DCUN1D5: variants seen among roughly 807,000 people sequenced by gnomAD.
The protein encoded by DCUN1D5 is defective in cullin neddylation 1 domain containing 5.
A neutral mutation model predicts 38.3 loss-of-function variants in DCUN1D5; 10 were observed. The ratio of observed to expected loss-of-function variants is 0.26; its 90% confidence interval spans 0.16 to 0.44. The LOEUF (loss-of-function observed/expected upper bound fraction) is 0.44. DCUN1D5 is among the 20% of genes least tolerant of loss of function. The pLI, the probability that DCUN1D5 is intolerant of heterozygous loss-of-function variation, is 1.00. For missense variants in DCUN1D5, 148 were observed against 275.3 expected (o/e 0.54, Z 3.27); for synonymous variants, 93 against 90.9 (o/e 1.02, Z -0.13).
chr11:103,079,944 T>C (rs745390670), intron 4 of DCUN1D5: 8 of 152,216 alleles, frequency 5.3e-5, no homozygotes, highest in Non-Finnish European at 1.2e-4. Flanking sequence ...ATCCAGTTCA[T>C]ATACCCACAA....
intron 4 of DCUN1D5, among the ~76,000 whole-genome samples, chr11:103,082,250 TACA>T (rs757785715): frequency 5.3e-5 from 8 of 152,110 alleles, no homozygotes; most frequent in South Asian, 2.1e-4. Flanking sequence ...CGGGAGCAGT[TACA>T]ACATTTCTAC....
rs774048924 is a variant in DCUN1D5 at position 103,066,502 on chromosome 11, G to A, written c.407C>T (p.Ser136Leu). ...DFLRSQLNDI[S>L]SFKNIYRYAF... is the part of the protein sequence containing the mutation. ...ATATCTGTAGATATTCTTAAATGAC[G>A]AAATATCATTCAACTGTGAGCGCAA... Residue 136 changes from serine to leucine, a missense_variant, in exon 5 of 8, where the codon TCG becomes TTG. Transcript: ENST00000260247. The surrounding 1 kb of genome is among the most constrained non-coding windows in gnomAD (Gnocchi z 4.7). The A allele has an allele frequency of 2.3e-5, 37 of 1,611,978 alleles. No homozygotes were observed. Among genetic ancestry groups the A allele is most frequent in the Non-Finnish European group, 3.0e-5 (35 of 1,178,862 alleles).
intron 4 of DCUN1D5, among the ~76,000 whole-genome samples, chr11:103,076,780 T>G (rs1170732267): frequency 6.6e-6 from 1 of 152,192 alleles, no homozygotes; most frequent in African/African-American, 2.4e-5. Flanking sequence ...TTGATATGCT[T>G]CTTTTGAGGC....
At position 103,091,648 on chromosome 11, in the gene DCUN1D5, G is replaced by C. The variant is rs755951789; in HGVS notation, c.86+139C>G. ...TCGGGCGCGGAGACTCGCGGTGTTC[G>C]GCACCTACAGCCTAGCTCGATCAAA... is the stretch of plus-strand genomic sequence containing the variant. On this transcript the variant is annotated intron_variant, in intron 1 of 7. Transcript: ENST00000260247. This position sits in a 1 kb window ranked among gnomAD's most constrained non-coding sequence, Gnocchi z 4.3. 4.8e-5 allele frequency: 74 copies of C among 1,526,636 alleles called. No homozygotes were observed. In the Middle Eastern group the frequency reaches 1.3e-3, roughly 27 times the overall value. 94.6% of individuals were successfully genotyped at this position (1,526,636 alleles called of 1,614,324 possible). A position where few individuals can be genotyped will look rare whatever the true frequency, so the allele number is the denominator to read the frequency against.
rs1862282077 is a variant in DCUN1D5 at position 103,071,939 on chromosome 11, C to A, written c.342-5372G>T. 6.6e-6 allele frequency among the ~76,000 whole-genome samples: 1 copy of A among 150,978 alleles called. No individual in the cohort carries two copies. Among genetic ancestry groups the A allele is most frequent in the Admixed American group, 6.6e-5 (1 of 15,180 alleles). On this transcript the variant is annotated intron_variant, in intron 4 of 7. Coordinates refer to ENST00000260247, the MANE Select transcript of DCUN1D5 (RefSeq NM_032299.4). This position sits in a 1 kb window ranked among gnomAD's most constrained non-coding sequence, Gnocchi z 4.1. ...AATTTATTTAATAAAGCCAGTATTA[C>A]TTGATACCAAAACCAGGCAAATACA... is the stretch of plus-strand genomic sequence containing the variant.
rs1480412776 is a variant in DCUN1D5 at position 103,091,756 on chromosome 11, G to A, written c.86+31C>T. On this transcript the variant is annotated intron_variant, in intron 1 of 7. Coordinates refer to ENST00000260247, the MANE Select transcript of DCUN1D5 (RefSeq NM_032299.4). The surrounding 1 kb of genome is among the most constrained non-coding windows in gnomAD (Gnocchi z 4.3). ...CAGTTGTCCAGCAAAGGAGGGAGGA[G>A]GGAAGCTTGAAGGGTGGGGGGAGAT... 3 of 1,613,796 alleles carry A rather than the reference G, an allele frequency of 1.9e-6. No individual in the cohort carries two copies. Among genetic ancestry groups the A allele is most frequent in the Admixed American group, 1.7e-5 (1 of 59,996 alleles).
rs2134622170 is a variant in DCUN1D5 at position 103,077,066 on chromosome 11, G to A, written c.341+5682C>T. On this transcript the variant is annotated intron_variant, in intron 4 of 7. Coordinates refer to ENST00000260247, the MANE Select transcript of DCUN1D5 (RefSeq NM_032299.4). The surrounding 1 kb of genome is among the most constrained non-coding windows in gnomAD (Gnocchi z 4.3). ...ACAAAAAAAATTAGCTGGGTGTGGT[G>A]GCGGGTGCCTGTAGTCCCAGCTACT... Among the ~76,000 whole-genome samples, 1 of 152,278 alleles carries A rather than the reference G, an allele frequency of 6.6e-6. No homozygotes were observed.
rs1241143681 is a variant in DCUN1D5 at position 103,060,054 on chromosome 11, T to C, written c.*2305A>G. On this transcript the variant is annotated 3_prime_UTR_variant, in exon 8 of 8. Transcript: ENST00000260247. ...TTTTGATCATAAATTTCCCAGTAAA[T>C]TAAATGCTATTCAAAATTAACAAAG... Among the ~76,000 whole-genome samples, 1 of 152,086 alleles carries C rather than the reference T, an allele frequency of 6.6e-6. No homozygotes were observed. Among genetic ancestry groups the C allele is most frequent in the Non-Finnish European group, 1.5e-5 (1 of 68,020 alleles).
Position 103,071,940 on chromosome 11 carries a change from T to C in DCUN1D5, c.342-5373A>G, listed in dbSNP as rs1458805103. Among the ~76,000 whole-genome samples, 1 of 151,574 alleles carries C rather than the reference T, an allele frequency of 6.6e-6. No individual in the cohort carries two copies. The highest frequency in any genetic ancestry group is 2.4e-5 in the African/African-American group (1 of 41,388). ...ATTTATTTAATAAAGCCAGTATTACTTGATACCAAAACCAGGCAAATACAA... is the reference window on the plus strand; with the variant it reads ...ATTTATTTAATAAAGCCAGTATTACCTGATACCAAAACCAGGCAAATACAA... On this transcript the variant is annotated intron_variant, in intron 4 of 7. Transcript: ENST00000260247. This position sits in a 1 kb window ranked among gnomAD's most constrained non-coding sequence, Gnocchi z 4.1.
intron 4 of DCUN1D5, among the ~76,000 whole-genome samples, chr11:103,081,299 T>C (rs1432783964): frequency 6.6e-6 from 1 of 152,182 alleles, no homozygotes; most frequent in African/African-American, 2.4e-5. Flanking sequence ...TAATAAGCCA[T>C]ATTACAACAT....
Position 103,053,838 on chromosome 11 carries a change from C to T in DCUN1D5, c.*8521G>A, listed in dbSNP as rs769697342. ...ATATAACACTTATTGAACACAAGTC[C>T]ATCCTATGAGGTTCAATTGATGTTT... On this transcript the variant is annotated 3_prime_UTR_variant, in exon 8 of 8. Coordinates refer to ENST00000260247, the MANE Select transcript of DCUN1D5 (RefSeq NM_032299.4). The surrounding 1 kb of genome is among the most constrained non-coding windows in gnomAD (Gnocchi z 4.8). 1 of 152,018 alleles carries T rather than the reference C, an allele frequency of 6.6e-6. No homozygotes were observed. The highest frequency in any genetic ancestry group is 1.5e-5 in the Non-Finnish European group (1 of 67,968). 9.4% of individuals were successfully genotyped at this position (152,018 alleles called of 1,614,324 possible). A position where few individuals can be genotyped will look rare whatever the true frequency, so the allele number is the denominator to read the frequency against.
intron 4 of DCUN1D5, among the ~76,000 whole-genome samples, chr11:103,080,858 C>A (rs1862542514): frequency 2.0e-5 from 3 of 151,958 alleles, no homozygotes; most frequent in Admixed American, 6.6e-5. Context: ...TTAAAATACA[C>A]AAAATTAGCC....
intron 4 of DCUN1D5, among the ~76,000 whole-genome samples, chr11:103,069,735 G>A (rs1045512487): frequency 1.3e-5 from 2 of 152,148 alleles, no homozygotes; most frequent in African/African-American, 4.8e-5. Context: ...GCAGTCACAA[G>A]GGATATCCTT....
intron 2 of DCUN1D5, among the ~76,000 whole-genome samples, chr11:103,084,775 A>G (rs1862656264): frequency 6.6e-6 from 1 of 151,084 alleles, no homozygotes; most frequent in Admixed American, 6.6e-5. Flanking sequence ...TTATCACTTG[A>G]GCCCAAGAGT....
rs1278024086 is a variant in DCUN1D5, at chr11:103,065,872, A to G, written c.555+397T>C. Among the ~76,000 whole-genome samples the G allele has an allele frequency of 6.6e-6, 1 of 152,132 alleles. No homozygotes were observed. Among genetic ancestry groups the G allele is most frequent in the African/African-American group, 2.4e-5 (1 of 41,432 alleles). Reference sequence around the variant, plus strand: ...TAGAAAAGGAAAGTTTTATTACTAAATTGGTTCTCTTATGTACATTTCAGC... The same window carrying G: ...TAGAAAAGGAAAGTTTTATTACTAAGTTGGTTCTCTTATGTACATTTCAGC... On this transcript the variant is annotated intron_variant, in intron 6 of 7. Transcript: ENST00000260247. The surrounding 1 kb of genome is among the most constrained non-coding windows in gnomAD (Gnocchi z 4.6).
rs919865678 is a variant in DCUN1D5 at position 103,056,185 on chromosome 11, T to C, written c.*6174A>G. On this transcript the variant is annotated 3_prime_UTR_variant, in exon 8 of 8. Coordinates refer to ENST00000260247, the MANE Select transcript of DCUN1D5 (RefSeq NM_032299.4). The surrounding 1 kb of genome is among the most constrained non-coding windows in gnomAD (Gnocchi z 4.9). The stretch of plus-strand genomic sequence containing the variant: ...ATCCTTGCTTTGATCTGAATCCTAA[T>C]TGCTTGCTAGCTCACTCAGTAAAGT... Among the ~76,000 whole-genome samples, 3 of 152,208 alleles carry C rather than the reference T, an allele frequency of 2.0e-5. No individual in the cohort carries two copies. The highest frequency in any genetic ancestry group is 7.2e-5 in the African/African-American group (3 of 41,450).
chr11:103,084,456 G>T (rs960294073), intron 2 of DCUN1D5, among the ~76,000 whole-genome samples: 2 of 152,100 alleles, frequency 1.3e-5, no homozygotes, highest in Non-Finnish European at 1.5e-5. Context: ...TAATTTTTTT[G>T]TGTAACATGT....
chr11:103,054,691 A>G lies in DCUN1D5; in HGVS notation c.*7668T>C, dbSNP rs1861829054. ...AGGATTTCTTCTGACTGGCTTTAATATTCATATATGTGGTGGAAGACCCTC... is the reference window on the plus strand; with the variant it reads ...AGGATTTCTTCTGACTGGCTTTAATGTTCATATATGTGGTGGAAGACCCTC... On this transcript the variant is annotated 3_prime_UTR_variant, in exon 8 of 8. Transcript: ENST00000260247. The G allele has an allele frequency of 6.6e-6, 1 of 152,114 alleles. No individual in the cohort carries two copies. Among genetic ancestry groups the G allele is most frequent in the South Asian group, 2.1e-4 (1 of 4,832 alleles). The allele number at this position is 152,114 out of a possible 1,614,324, so 9.4% of individuals were successfully genotyped here.
Position 103,091,884 on chromosome 11 carries a change from C to T in DCUN1D5, c.-12G>A, listed in dbSNP as rs969906193. On this transcript the variant is annotated 5_prime_UTR_variant, in exon 1 of 8. Transcript: ENST00000260247. This position sits in a 1 kb window ranked among gnomAD's most constrained non-coding sequence, Gnocchi z 4.3. ...TTCTTCACCGGCATCTTCCGCCCTC[C>T]CCGGCAGGGTGGGCAGGGGAGCCGG... 3.1e-6 allele frequency: 5 copies of T among 1,611,218 alleles called. No individual in the cohort carries two copies. Among genetic ancestry groups the T allele is most frequent in the Non-Finnish European group, 4.2e-6 (5 of 1,178,448 alleles).
Sources: gnomAD v4.1 joint callset for allele counts (sites outside exome capture counted in the v4.1 genomes callset) on GRCh38, gnomAD v4.1.1 for gene constraint, Gnocchi (gnomAD v3.1) non-coding constraint, MANE v1.5 for transcripts, NCBI Gene and HGNC (gene_info 2026-07-23, HGNC 2026-07-21) for gene names.